The following PTPN14 variants were observed in gnomAD, a reference collection of about 807,000 sequenced individuals.
The protein encoded by PTPN14 is protein tyrosine phosphatase non-receptor type 14.
In PTPN14, 53 loss-of-function variants were observed where a neutral mutation model predicts 126.8. That is an observed-to-expected ratio of 0.42 (90% CI 0.34 to 0.53). The LOEUF is 0.53. Ranked by LOEUF, PTPN14 falls within the 20% of genes least tolerant of loss-of-function variation. PTPN14 has a pLI of 0.08. For synonymous variants in PTPN14, 630 were observed against 599.3 expected (o/e 1.05, Z -0.75); for missense variants, 1,257 against 1,552.9 (o/e 0.81, Z 3.20).
Position 214,502,524 on chromosome 1 carries a change from TTTTA to T in PTPN14, c.-154-37571_-154-37568del, listed in dbSNP as rs139453738. Among the ~76,000 whole-genome samples, 700 of 152,254 alleles carry T rather than the reference TTTTA, an allele frequency of 4.6e-3. 6 individuals carry two copies. The highest frequency in any genetic ancestry group is 0.016 in the African/African-American group (656 of 41,534). ...ATTTGTAATATTCATTCAACTTATT[TTTTA>T]TTTATTTATTTTTAGAGACAGGATC... On this transcript the variant is annotated intron_variant, in intron 1 of 18. Coordinates refer to ENST00000366956, the MANE Select transcript of PTPN14 (RefSeq NM_005401.5).
rs779224689 is a variant in PTPN14 at position 214,372,834 on chromosome 1, C to T, written c.2913G>A (p.Val971=). 1.2e-5 allele frequency: 19 copies of T among 1,614,074 alleles called. No homozygotes were observed. Among genetic ancestry groups the T allele is most frequent in the Non-Finnish European group, 1.6e-5 (19 of 1,179,986 alleles). ...GYINASHIKV[V]VGGAEWHYIA... is the part of the protein sequence containing the mutation. Reference sequence around the variant, plus strand: ...TGTAGTGCCATTCTGCCCCGCCAACCACCACCTAAAAACCAAGAAAAGTAT... The same window carrying T: ...TGTAGTGCCATTCTGCCCCGCCAACTACCACCTAAAAACCAAGAAAAGTAT... The change falls in exon 16 of 19, where the codon GTG becomes GTA. Residue 971 remains valine, a synonymous_variant. Transcript: ENST00000366956.
At chr1:214,546,261 G>A (rs1055600633) in intron 1 of PTPN14, among the ~76,000 whole-genome samples, 4 of 152,168 alleles carry the variant, frequency 2.6e-5, no homozygotes, top group Non-Finnish European at 2.9e-5. Context: ...CATGGGGAAC[G>A]GCAACCTTTG....
At chr1:214,447,300 G>A (rs897168619) in intron 3 of PTPN14, among the ~76,000 whole-genome samples, 1 of 151,924 alleles carries the variant, frequency 6.6e-6, no homozygotes, top group African/African-American at 2.4e-5. Flanking sequence ...TCCCAAGAAG[G>A]CTGAGATTCC....
chr1:214,542,102 C>CAT (rs1334391359), intron 1 of PTPN14, among the ~76,000 whole-genome samples: 3 of 151,990 alleles, frequency 2.0e-5, no homozygotes, highest in Admixed American at 1.3e-4. Context: ...ACTTTTACTA[C>CAT]ACACACACAC....
chr1:214,449,228 G>T (rs1024118736), intron 3 of PTPN14, among the ~76,000 whole-genome samples: 3 of 151,558 alleles, frequency 2.0e-5, no homozygotes, highest in African/African-American at 7.3e-5. Flanking sequence ...GGATGGTCTC[G>T]ATCTCCTGAC....
chr1:214,385,226 C>T (rs1658579620), intron 12 of PTPN14, among the ~76,000 whole-genome samples: 1 of 152,158 alleles, frequency 6.6e-6, no homozygotes, highest in African/African-American at 2.4e-5. Flanking sequence ...CAGAGCTGCT[C>T]TTCCTGACGG....
intron 11 of PTPN14, among the ~76,000 whole-genome samples, chr1:214,390,548 A>G (rs74955909): frequency 6.6e-6 from 1 of 152,332 alleles, no homozygotes; most frequent in African/African-American, 2.4e-5. Flanking sequence ...GAGACCATCA[A>G]CTAGATCCGT....
rs542642277 is a variant in PTPN14 at position 214,387,687 on chromosome 1, A to AG, written c.988-766_988-765insC. Among the ~76,000 whole-genome samples, 15 of 151,890 alleles carry AG rather than the reference A, an allele frequency of 9.9e-5. No homozygotes were observed. The South Asian group carries it at 2.9e-3, about 29-fold the overall frequency. ...GCAAGACTCCGTCAAAAAAAAAAAA[A>AG]AAAAGAAAGAAAGAAAGAAAGAGAA... On this transcript the variant is annotated intron_variant, in intron 11 of 18. Transcript: ENST00000366956.
chr1:214,391,915 G>A (rs1396982028), intron 10 of PTPN14, among the ~76,000 whole-genome samples: 2 of 152,006 alleles, frequency 1.3e-5, no homozygotes, highest in East Asian at 3.9e-4. Flanking sequence ...TATATATACC[G>A]CCGCCTAATT....
In PTPN14 at chr1:214,352,282, A is replaced by G. The variant is rs1485354321; in HGVS notation, c.*5640T>C. The G allele has an allele frequency of 1.3e-5, 2 of 152,338 alleles. No homozygotes were observed. Among genetic ancestry groups the G allele is most frequent in the Admixed American group, 6.5e-5 (1 of 15,304 alleles). 9.4% of individuals were successfully genotyped at this position (152,338 alleles called of 1,614,324 possible). ...TAGAGAATATCTTAGTTTGGCTTTG[A>G]GAAAGAAGATGCAGCTATATTAAGC... On this transcript the variant is annotated 3_prime_UTR_variant, in exon 19 of 19. Coordinates refer to ENST00000366956, the MANE Select transcript of PTPN14 (RefSeq NM_005401.5).
chr1:214,393,062 C>A (rs967795061), intron 10 of PTPN14, among the ~76,000 whole-genome samples: 1 of 152,186 alleles, frequency 6.6e-6, no homozygotes, highest in Non-Finnish European at 1.5e-5. Context: ...ATAGAGTGAG[C>A]CCCAGCACGC....
intron 3 of PTPN14, among the ~76,000 whole-genome samples, chr1:214,415,306 G>A (rs151114640): frequency 2.6e-5 from 4 of 152,286 alleles, no homozygotes; most frequent in East Asian, 3.9e-4. Flanking sequence ...GGACAGAATC[G>A]TGCCCAAACA....
At chr1:214,368,555 A>C (rs77213457) in intron 17 of PTPN14, among the ~76,000 whole-genome samples, 1 of 152,170 alleles carries the variant, frequency 6.6e-6, no homozygotes, top group Non-Finnish European at 1.5e-5. Context: ...TGGACACAAC[A>C]TAAAACTTAC....
intron 17 of PTPN14, among the ~76,000 whole-genome samples, chr1:214,367,062 ATACTT>A (rs1558070984): frequency 6.6e-6 from 1 of 152,094 alleles, no homozygotes; most frequent in Admixed American, 6.6e-5. Context: ...TTAAAAGACT[ATACTT>A]TAAAGTGCCT....
chr1:214,352,965 T>C lies in PTPN14; in HGVS notation c.*4957A>G, dbSNP rs1657733216. 6.6e-6 allele frequency: 1 copy of C among 152,080 alleles called. No individual in the cohort carries two copies. The highest frequency in any genetic ancestry group is 1.5e-5 in the Non-Finnish European group (1 of 68,016). 9.4% of individuals were successfully genotyped at this position (152,080 alleles called of 1,614,324 possible). On this transcript the variant is annotated 3_prime_UTR_variant, in exon 19 of 19. Coordinates refer to ENST00000366956, the MANE Select transcript of PTPN14 (RefSeq NM_005401.5). ...AGTAATTATGTGGTGCTTCCGGAAA[T>C]GTCTTACTCTAGGAGCTCCACAGAG...
chr1:214,501,302 C>T (rs920674133), intron 1 of PTPN14, among the ~76,000 whole-genome samples: 8 of 152,064 alleles, frequency 5.3e-5, no homozygotes, highest in Non-Finnish European at 1.2e-4. Context: ...AGTCCAGTGG[C>T]ACTCTCAACT....
intron 1 of PTPN14, among the ~76,000 whole-genome samples, chr1:214,483,574 TACAG>T (rs1661050924): frequency 6.6e-6 from 1 of 152,244 alleles, no homozygotes; most frequent in African/African-American, 2.4e-5. Context: ...TTATGCTATT[TACAG>T]ACTCTACTGC....
At chr1:214,360,655 AC>A (rs1657934693) in intron 18 of PTPN14, among the ~76,000 whole-genome samples, 1 of 152,254 alleles carries the variant, frequency 6.6e-6, no homozygotes. Context: ...AGGCAGGATC[AC>A]ACTGGTGTTC....
At chr1:214,511,315 C>G (rs1654968237) in intron 1 of PTPN14, among the ~76,000 whole-genome samples, 2 of 152,188 alleles carry the variant, frequency 1.3e-5, no homozygotes, top group South Asian at 4.1e-4. Context: ...TATAACTCTT[C>G]AAAACTCACA....
Sources: gnomAD v4.1 joint callset for allele counts (sites outside exome capture counted in the v4.1 genomes callset) on GRCh38, gnomAD v4.1.1 for gene constraint, MANE v1.5 for transcripts, NCBI Gene and HGNC (gene_info 2026-07-23, HGNC 2026-07-21) for gene names.